Variants in NCKAP5 observed in about 807,000 individuals in gnomAD.
NCKAP5 encodes nck-associated protein 5.
NCKAP5 carries 92 observed loss-of-function variants against 167.0 expected under a neutral mutation model. The ratio of observed to expected loss-of-function variants is 0.55; its 90% CI spans 0.47 to 0.66. The LOEUF (loss-of-function observed/expected upper bound fraction) is 0.66. Ranked by LOEUF, NCKAP5 falls within the 30% of genes least tolerant of loss-of-function variation. The probability of loss-of-function intolerance (pLI) is 0.00; values close to 1 mark genes in which losing one functional copy is unlikely to be tolerated. For missense variants in NCKAP5, 2,378 were observed against 2,315.0 expected (o/e 1.03, Z -0.56); for synonymous variants, 891 against 877.4 (o/e 1.02, Z -0.27).
At chr2:132,990,341 C>T (rs2149297522) in intron 7 of NCKAP5, among the ~76,000 whole-genome samples, 1 of 152,292 alleles carries the variant, frequency 6.6e-6, no homozygotes, top group Middle Eastern at 3.4e-3. Flanking sequence ...ATCCTATAAA[C>T]TGAGCATTTC....
intron 4 of NCKAP5, among the ~76,000 whole-genome samples, chr2:133,278,297 G>A (rs1358046625): frequency 1.3e-5 from 2 of 152,172 alleles, no homozygotes; most frequent in African/African-American, 4.8e-5. Context: ...AAGATGTCAA[G>A]AGGACTGCAT....
At chr2:133,069,699 A>C (rs1459065105) in intron 6 of NCKAP5, among the ~76,000 whole-genome samples, 3 of 152,192 alleles carry the variant, frequency 2.0e-5, no homozygotes, top group Admixed American at 1.3e-4. Flanking sequence ...GGGTTAAATG[A>C]GAACAGCTTG....
At chr2:132,964,222 C>A (rs1211647294) in intron 7 of NCKAP5, among the ~76,000 whole-genome samples, 9 of 152,136 alleles carry the variant, frequency 5.9e-5, no homozygotes, top group Admixed American at 5.9e-4. Flanking sequence ...AATTTTGATA[C>A]CTTCATTTGT....
intron 16 of NCKAP5, among the ~76,000 whole-genome samples, chr2:132,756,808 G>T (rs991111427): frequency 1.3e-5 from 2 of 152,136 alleles, no homozygotes; most frequent in Non-Finnish European, 2.9e-5. Context: ...GTACACTTAG[G>T]ATTCCTTCCA....
intron 5 of NCKAP5, among the ~76,000 whole-genome samples, chr2:133,167,259 A>T (rs1314753229): frequency 6.6e-6 from 1 of 152,180 alleles, no homozygotes; most frequent in Non-Finnish European, 1.5e-5. Flanking sequence ...TGGCTTACTC[A>T]TCTTAGTATC....
At chr2:132,944,121 G>A (rs1469891947) in intron 8 of NCKAP5, among the ~76,000 whole-genome samples, 5 of 152,166 alleles carry the variant, frequency 3.3e-5, no homozygotes, top group Admixed American at 6.5e-5. Context: ...GTCTTATAAC[G>A]CAAGAGCAGG....
chr2:132,980,570 C>A (rs906417961), intron 7 of NCKAP5, among the ~76,000 whole-genome samples: 1 of 152,138 alleles, frequency 6.6e-6, no homozygotes. Context: ...ACTGTATGAC[C>A]TGAAAAAGTC....
chr2:133,557,591 C>T (rs901192651), intron 2 of NCKAP5, among the ~76,000 whole-genome samples: 1 of 152,156 alleles, frequency 6.6e-6, no homozygotes, highest in Admixed American at 6.6e-5. Context: ...CTTATAAGAT[C>T]ATACAAAACA....
intron 19 of NCKAP5, among the ~76,000 whole-genome samples, chr2:132,686,349 C>T (rs1020719402): frequency 6.6e-6 from 1 of 152,190 alleles, no homozygotes. Flanking sequence ...CCAACACCCT[C>T]TTATCACTTG....
chr2:133,033,410 G>A (rs1251966364), intron 6 of NCKAP5, among the ~76,000 whole-genome samples: 1 of 152,178 alleles, frequency 6.6e-6, no homozygotes, highest in African/African-American at 2.4e-5. Context: ...AGCCCAGACA[G>A]TAAAGACTAG....
chr2:133,040,134 G>T (rs1359618375), intron 6 of NCKAP5, among the ~76,000 whole-genome samples: 1 of 151,622 alleles, frequency 6.6e-6, no homozygotes, highest in Non-Finnish European at 1.5e-5. Flanking sequence ...CTTATTAACA[G>T]GACTGGAAAT....
intron 3 of NCKAP5, among the ~76,000 whole-genome samples, chr2:133,445,506 C>A (rs1456929379): frequency 1.3e-5 from 2 of 152,198 alleles, no homozygotes; most frequent in Admixed American, 6.5e-5. Context: ...AATCCCAGAA[C>A]CCCTGACTTC....
intron 16 of NCKAP5, among the ~76,000 whole-genome samples, chr2:132,742,222 C>G (rs1203278098): frequency 1.3e-5 from 2 of 151,992 alleles, no homozygotes; most frequent in Non-Finnish European, 2.9e-5. Context: ...ATCTCTTTTA[C>G]TTCACATCAG....
At position 133,407,469 on chromosome 2, in the gene NCKAP5, G is replaced by A. The variant is rs1040437650; in HGVS notation, c.70-104359C>T. Among the ~76,000 whole-genome samples the A allele has an allele frequency of 3.7e-4, 56 of 152,204 alleles. 1 individual carries two copies. Among genetic ancestry groups the A allele is most frequent in the African/African-American group, 1.1e-3 (44 of 41,460 alleles). ...ATTTGGCAAGCCTAGGAAGAAGTGT[G>A]ACAGGAGGACGGGTGGGTTGGTTGC... is the stretch of plus-strand genomic sequence containing the variant. On this transcript the variant is annotated intron_variant, in intron 3 of 19. Coordinates refer to ENST00000409261, the MANE Select transcript of NCKAP5 (RefSeq NM_207363.3).
At chr2:133,306,979 A>G (rs919139664) in intron 3 of NCKAP5, among the ~76,000 whole-genome samples, 6 of 152,338 alleles carry the variant, frequency 3.9e-5, no homozygotes, top group African/African-American at 1.4e-4. Flanking sequence ...ATATCCACAT[A>G]TCCCTTGATG....
chr2:133,447,197 C>T (rs1691252357), intron 3 of NCKAP5, among the ~76,000 whole-genome samples: 1 of 152,084 alleles, frequency 6.6e-6, no homozygotes, highest in Non-Finnish European at 1.5e-5. Context: ...CAGTCAGTAG[C>T]AGGAAAAACA....
At chr2:133,011,551 A>T (rs911417302) in intron 6 of NCKAP5, among the ~76,000 whole-genome samples, 2 of 152,232 alleles carry the variant, frequency 1.3e-5, no homozygotes, top group African/African-American at 4.8e-5. Context: ...ATGATATTGC[A>T]GGTTTTCTGC....
chr2:132,969,076 T>G (rs1322037417), intron 7 of NCKAP5, among the ~76,000 whole-genome samples: 1 of 152,132 alleles, frequency 6.6e-6, no homozygotes, highest in Admixed American at 6.5e-5. Flanking sequence ...CTCCCTCTGT[T>G]GCCCAGGCTG....
At position 133,421,219 on chromosome 2, in the gene NCKAP5, C is replaced by T. The variant is rs74659206; in HGVS notation, c.69+96239G>A. 5.3e-4 allele frequency among the ~76,000 whole-genome samples: 80 copies of T among 152,306 alleles called. No homozygotes were observed. In the East Asian group the frequency reaches 0.015, roughly 29 times the overall value. On this transcript the variant is annotated intron_variant, in intron 3 of 19. Coordinates refer to ENST00000409261, the MANE Select transcript of NCKAP5 (RefSeq NM_207363.3). ...CTGCTTGCTCCCTCATTCCACATTA[C>T]AGCTAAAAACATTGTCTAATGCAGT...
Sources: gnomAD v4.1 joint callset for allele counts (sites outside exome capture counted in the v4.1 genomes callset) on GRCh38, gnomAD v4.1.1 for gene constraint, MANE v1.5 for transcripts, NCBI Gene and HGNC (gene_info 2026-07-23, HGNC 2026-07-21) for gene names.